Variants in DDB1 observed in about 807,000 individuals in gnomAD.
The protein encoded by DDB1 is damage specific DNA binding protein 1.
In DDB1, 18 loss-of-function variants were observed where a neutral mutation model predicts 133.1. The observed-to-expected ratio is 0.14, with a 90% confidence interval of 0.09 to 0.20. DDB1 has a LOEUF of 0.20. DDB1 is among the 10% of genes least tolerant of loss of function. The pLI is 1.00. For missense variants in DDB1, 828 were observed against 1,459.2 expected (o/e 0.57, Z 7.05); for synonymous variants, 580 against 550.5 (o/e 1.05, Z -0.75).
At chr11:61,302,064 G>A in intron 25 of DDB1, 193 bp downstream of exon 25, 1 of 512,032 alleles carries the variant, frequency 2.0e-6, no homozygotes, top group South Asian at 3.0e-5. Context: ...AAGTACTTTG[G>A]GAGTCAATAT....
chr11:61,301,046 C>T (rs1590676091), intron 25 of DDB1, 114 bp from the exon 26 acceptor site: 14 of 1,451,632 alleles, frequency 9.6e-6, no homozygotes, highest in Non-Finnish European at 1.3e-5. Flanking sequence ...AAGGAAATGA[C>T]ACTTCCTTTC....
chr11:61,315,866 T>C (rs1277653187), intron 12 of DDB1: 1 of 159,700 alleles, frequency 6.3e-6, no homozygotes, highest in East Asian at 1.8e-4. Context: ...TCATATTGGA[T>C]GGTAGCATCA....
chr11:61,322,976 A>G, intron 8 of DDB1, 35 bp downstream of exon 8: 2 of 1,577,964 alleles, frequency 1.3e-6, no homozygotes, highest in Non-Finnish European at 1.7e-6. Context: ...CAGTGAGTAC[A>G]GCAAAAAAGA....
rs1856065059 is a variant in DDB1, at chr11:61,316,288, G to C, written c.1407C>G (p.Ile469Met). 3 of 1,613,826 alleles carry C rather than the reference G, an allele frequency of 1.9e-6. No homozygotes were observed. Among genetic ancestry groups the C allele is most frequent in the South Asian group, 2.2e-5 (2 of 91,088 alleles). ...CTGCCCCTTTCTCAGTTATCACCTGGATAAGCTGCTGATGAGCCACGTTGC... is the reference window on the plus strand; with the variant it reads ...CTGCCCCTTTCTCAGTTATCACCTGCATAAGCTGCTGATGAGCCACGTTGC... ...FCGNVAHQQL[I>M]QITSASVRLV... The change falls in exon 12 of 27, where the codon ATC (isoleucine) becomes ATG (methionine). Residue 469 changes from isoleucine (I) to methionine (M), a missense_variant. Ile to Met is a conservative substitution (Grantham distance 10). Around this residue, in one of 7 missense-constraint regions of DDB1, gnomAD observed 396 missense variants for 554.1 expected, o/e 0.71. Transcript: ENST00000301764.
In DDB1 at chr11:61,310,291, G is replaced by A; in HGVS notation, c.2401+4C>T. 6.2e-7 allele frequency: 1 copy of A among 1,607,178 alleles called. No individual in the cohort carries two copies. The highest frequency in any genetic ancestry group is 8.5e-7 in the Non-Finnish European group (1 of 1,177,722). ...TAAAAATTATCGAAAGAGCTCATGTGCACCTTCAAAGGTGTGTTGGTCAAT... is the reference window on the plus strand; with the variant it reads ...TAAAAATTATCGAAAGAGCTCATGTACACCTTCAAAGGTGTGTTGGTCAAT... On this transcript the variant is annotated splice_donor_region_variant and intron_variant, in intron 19 of 26. Coordinates refer to ENST00000301764, the MANE Select transcript of DDB1 (RefSeq NM_001923.5).
At chr11:61,325,886 T>C in intron 5 of DDB1, 178 bp from the exon 6 acceptor site, 3 of 680,888 alleles carry the variant, frequency 4.4e-6, no homozygotes, top group Non-Finnish European at 8.0e-6. Flanking sequence ...ATTTGTTAAC[T>C]GGCCATTATC....
At chr11:61,318,098 T>C (rs1054477991) in intron 10 of DDB1, among the ~76,000 whole-genome samples, 22 of 152,218 alleles carry the variant, frequency 1.4e-4, no homozygotes, top group African/African-American at 5.1e-4. Flanking sequence ...TATAAAATAG[T>C]CTATCATGCA....
chr11:61,304,645 C>T (rs1297360148), intron 21 of DDB1, among the ~76,000 whole-genome samples: 1 of 151,876 alleles, frequency 6.6e-6, no homozygotes, highest in Non-Finnish European at 1.5e-5. Context: ...GAGGCCGAGA[C>T]GGGCAGATCA....
chr11:61,321,860 A>G, intron 9 of DDB1, 163 bp from the exon 10 acceptor site: 2 of 641,458 alleles, frequency 3.1e-6, no homozygotes, highest in Admixed American at 5.5e-5. Context: ...AAGTCTTTCA[A>G]ATTTACAGAG....
rs754870308 is a variant in DDB1 at position 61,300,120 on chromosome 11, G to C, written c.*16C>G. On this transcript the variant is annotated 3_prime_UTR_variant, in exon 27 of 27. Coordinates refer to ENST00000301764, the MANE Select transcript of DDB1 (RefSeq NM_001923.5). ...AGCCTTTGGGGAGGGTCAGCAAAGG[G>C]GCCCCCTGCCCTTGGCTAATGGATC... 8 of 1,613,624 alleles carry C rather than the reference G, an allele frequency of 5.0e-6. No homozygotes were observed. The African/African-American group carries it at 9.3e-5, about 19-fold the overall frequency.
At position 61,314,042 on chromosome 11, in the gene DDB1, C is replaced by T; in HGVS notation, c.1753+5G>A. 1 of 1,614,060 alleles carries T rather than the reference C, an allele frequency of 6.2e-7. No individual in the cohort carries two copies. Among genetic ancestry groups the T allele is most frequent in the Non-Finnish European group, 8.5e-7 (1 of 1,179,978 alleles). ...TCCCAACCCAGGTCCCTAAATGACA[C>T]ATACCTCCACCCAGCATCTCCTTGT... On this transcript the variant is annotated splice_donor_5th_base_variant and intron_variant, in intron 14 of 26. Coordinates refer to ENST00000301764, the MANE Select transcript of DDB1 (RefSeq NM_001923.5).
chr11:61,313,944 C>A lies in DDB1; in HGVS notation c.1779G>T (p.Met593Ile). Reference sequence around the variant, plus strand: ...GGTAATGGCTACTCTCAAAGGTGGTCATCAGGATGGAGCGAGGAATGATCT... The same window carrying A: ...GGTAATGGCTACTCTCAAAGGTGGTAATCAGGATGGAGCGAGGAATGATCT... Reference protein sequence around the residue: ...GGEIIPRSILMTTFESSHYLL... With the variant: ...GGEIIPRSILITTFESSHYLL... Residue 593 changes from methionine (M) to isoleucine (I), a missense_variant, in exon 15 of 27, where the codon ATG (methionine) becomes ATT (isoleucine). Coordinates refer to ENST00000301764, the MANE Select transcript of DDB1 (RefSeq NM_001923.5). 2 of 1,614,102 alleles carry A rather than the reference C, an allele frequency of 1.2e-6. No individual in the cohort carries two copies. Among genetic ancestry groups the A allele is most frequent in the Non-Finnish European group, 1.7e-6 (2 of 1,180,034 alleles).
At chr11:61,320,886 C>CT (rs781113068) in intron 10 of DDB1, among the ~76,000 whole-genome samples, 1,584 of 143,816 alleles carry the variant, frequency 0.011, 23 homozygotes, top group African/African-American at 0.033. Flanking sequence ...TGTAGCCTCT[C>CT]TTTTTTTTTT....
intron 10 of DDB1, among the ~76,000 whole-genome samples, chr11:61,319,001 C>T (rs1377106475): frequency 6.6e-6 from 1 of 152,186 alleles, no homozygotes; most frequent in Non-Finnish European, 1.5e-5. Context: ...GAGTTTGAGA[C>T]CAGCCTGGGC....
rs1339425260 is a variant in DDB1 at position 61,322,644 on chromosome 11, GAGA to G, written c.1006-235_1006-233del. On this transcript the variant is annotated intron_variant, in intron 8 of 26. Coordinates refer to ENST00000301764, the MANE Select transcript of DDB1 (RefSeq NM_001923.5). Reference sequence around the variant, plus strand: ...ACCTAGAGTCCATGGATGGATTTCAGAGAAGTAGTGAATGTTTGAAAATTAATG... The same window carrying G: ...ACCTAGAGTCCATGGATGGATTTCAGAGTAGTGAATGTTTGAAAATTAATG... 7.3e-6 allele frequency: 4 copies of G among 549,292 alleles called. No homozygotes were observed. In the Admixed American group the frequency reaches 9.5e-5, roughly 13 times the overall value. The allele number at this position is 549,292 out of a possible 1,614,324, so 34.0% of individuals were successfully genotyped here.
chr11:61,329,386 G>A lies in DDB1; in HGVS notation c.526C>T (p.Pro176Ser). The change falls in exon 4 of 27, where the codon CCT (proline) becomes TCT (serine). Residue 176 changes from proline (P) to serine (S), a missense_variant. Coordinates refer to ENST00000301764, the MANE Select transcript of DDB1 (RefSeq NM_001923.5). Reference protein sequence around the residue: ...DVKFLYGCQAPTICFVYQDPQ... With the variant: ...DVKFLYGCQASTICFVYQDPQ... ...ACCTGGTAGACAAAGCAAATAGTAG[G>A]TGCTTGGCAACCATATAGGAACTTG... 1.9e-6 allele frequency: 3 copies of A among 1,614,222 alleles called. No homozygotes were observed. The highest frequency in any genetic ancestry group is 2.5e-6 in the Non-Finnish European group (3 of 1,180,042).
At chr11:61,301,464 G>A (rs924372020) in intron 25 of DDB1, 5 of 152,808 alleles carry the variant, frequency 3.3e-5, no homozygotes, top group East Asian at 1.9e-4. Flanking sequence ...CCAGCTATTC[G>A]GGAGGCTGAG....
chr11:61,304,631 T>C (rs1855855258), intron 21 of DDB1, among the ~76,000 whole-genome samples: 1 of 151,928 alleles, frequency 6.6e-6, no homozygotes, highest in Non-Finnish European at 1.5e-5. Flanking sequence ...TCCCAGCACT[T>C]TGGGAGGCCG....
intron 9 of DDB1, 79 bp downstream of exon 9, chr11:61,322,217 C>T (rs1856192822): frequency 8.9e-7 from 1 of 1,125,772 alleles, no homozygotes; most frequent in Non-Finnish European, 1.3e-6. Flanking sequence ...TGCACCCTCC[C>T]CATTCTAGAT....
Sources: gnomAD v4.1 joint callset for allele counts (sites outside exome capture counted in the v4.1 genomes callset) on GRCh38, gnomAD v4.1.1 for gene constraint, gnomAD v4.1.1 regional missense constraint, MANE v1.5 for transcripts, NCBI Gene and HGNC (gene_info 2026-07-23, HGNC 2026-07-21) for gene names.